Variants in BRINP3 observed in about 807,000 individuals in gnomAD.
BRINP3 encodes BMP/retinoic acid-inducible neural-specific protein 3.
In BRINP3, 19 loss-of-function variants were observed where a neutral mutation model predicts 71.0. The observed-to-expected ratio is 0.27, with a 90% CI of 0.19 to 0.39. BRINP3 has a LOEUF of 0.39. BRINP3 is among the 10% of genes least tolerant of loss of function. The pLI, the probability that BRINP3 is intolerant of heterozygous loss-of-function variation, is 1.00. For missense variants in BRINP3, 959 were observed against 940.8 expected (o/e 1.02, Z -0.25); for synonymous variants, 380 against 337.7 (o/e 1.13, Z -1.37).
intron 2 of BRINP3, among the ~76,000 whole-genome samples, chr1:190,287,757 CA>C (rs1461436777): frequency 1.3e-5 from 2 of 151,926 alleles, no homozygotes; most frequent in African/African-American, 2.4e-5. Flanking sequence ...ATCATTGAAA[CA>C]AAAAAGATGA....
chr1:190,165,086 C>G (rs933577235), intron 6 of BRINP3, among the ~76,000 whole-genome samples: 1 of 151,296 alleles, frequency 6.6e-6, no homozygotes, highest in Admixed American at 6.6e-5. Context: ...TACATAATAT[C>G]TAACGAAATA....
chr1:190,098,520 T>C lies in BRINP3; in HGVS notation c.1799A>G (p.Lys600Arg), dbSNP rs1288871321. The C allele has an allele frequency of 1.9e-5, 31 of 1,614,026 alleles. No individual in the cohort carries two copies. The highest frequency in any genetic ancestry group is 2.5e-5 in the Non-Finnish European group (30 of 1,180,024). The change falls in exon 8 of 8, where the codon AAG (lysine) becomes AGG (arginine). Residue 600 changes from lysine (K) to arginine (R), a missense_variant. Lys to Arg is a conservative substitution (Grantham distance 26). Transcript: ENST00000367462. ...ENSFPDWERTKLDLPLQCYNW... is the reference protein window; with the variant it reads ...ENSFPDWERTRLDLPLQCYNW... ...ATAACACTGCAGGGGTAGGTCCAAC[T>C]TAGTCCGCTCCCAGTCTGGAAAGCT...
At position 190,401,294 on chromosome 1, in the gene BRINP3, G is replaced by T. The variant is rs140067428; in HGVS notation, c.236+53361C>A. The stretch of plus-strand genomic sequence containing the variant: ...AATCACTTGAACCCAGGAGGTGGAG[G>T]TTGCAGTGAGCCAAGATGAAGCCAC... On this transcript the variant is annotated intron_variant, in intron 2 of 7. Coordinates refer to ENST00000367462, the MANE Select transcript of BRINP3 (RefSeq NM_199051.3). Among the ~76,000 whole-genome samples the T allele has an allele frequency of 5.7e-3, 834 of 147,362 alleles. 6 individuals carry two copies. Among genetic ancestry groups the T allele is most frequent in the African/African-American group, 0.019 (747 of 40,234 alleles).
intron 2 of BRINP3, among the ~76,000 whole-genome samples, chr1:190,287,610 T>A (rs1467807798): frequency 6.6e-6 from 1 of 152,148 alleles, no homozygotes; most frequent in East Asian, 1.9e-4. Flanking sequence ...TGATAAGCAC[T>A]GATTAATGAC....
At chr1:190,248,414 T>C (rs1659811639) in intron 4 of BRINP3, among the ~76,000 whole-genome samples, 1 of 151,660 alleles carries the variant, frequency 6.6e-6, no homozygotes, top group Admixed American at 6.6e-5. Flanking sequence ...ATATGAAAAT[T>C]ATATTTCACC....
chr1:190,159,000 C>T (rs753951309), intron 7 of BRINP3, among the ~76,000 whole-genome samples: 44 of 151,806 alleles, frequency 2.9e-4, no homozygotes, highest in Non-Finnish European at 4.7e-4. Flanking sequence ...CATATGAAGT[C>T]CTCTTACAAC....
chr1:190,209,818 T>C (rs1655827346), intron 6 of BRINP3, among the ~76,000 whole-genome samples: 1 of 152,132 alleles, frequency 6.6e-6, no homozygotes, highest in African/African-American at 2.4e-5. Flanking sequence ...TATTTTTCAG[T>C]GCAATAATTG....
chr1:190,133,375 T>C (rs1278945007), intron 7 of BRINP3, among the ~76,000 whole-genome samples: 1 of 152,120 alleles, frequency 6.6e-6, no homozygotes, highest in African/African-American at 2.4e-5. Context: ...AATATATGCA[T>C]TATAACTTAA....
chr1:190,337,907 T>G (rs1571788621), intron 2 of BRINP3, among the ~76,000 whole-genome samples: 1 of 152,088 alleles, frequency 6.6e-6, no homozygotes, highest in Non-Finnish European at 1.5e-5. Flanking sequence ...TTTTTTAAAC[T>G]ATGATAGTGT....
chr1:190,453,201 G>GTTTTTTTTTTTTTTTTTTTTTTTTTTTT (rs745819844), intron 2 of BRINP3, among the ~76,000 whole-genome samples: 2 of 37,854 alleles, frequency 5.3e-5, no homozygotes. Context: ...AAAAACTTTA[G>GTTTTTTTTTTTTTTTTTTTTTTTTTTTT]TATTTTTTTT....
intron 2 of BRINP3, among the ~76,000 whole-genome samples, chr1:190,302,236 T>C (rs2103000893): frequency 6.8e-6 from 1 of 148,058 alleles, no homozygotes; most frequent in Non-Finnish European, 1.5e-5. Context: ...GAAGTGTATA[T>C]ATATACATAA....
intron 2 of BRINP3, among the ~76,000 whole-genome samples, chr1:190,382,172 ACAAAAT>A (rs1670588697): frequency 7.7e-6 from 1 of 130,594 alleles, no homozygotes; most frequent in Non-Finnish European, 1.8e-5. Flanking sequence ...GACATGAAAT[ACAAAAT>A]CAGAAAAAAA....
chr1:190,296,570 A>G (rs1246520381), intron 2 of BRINP3, among the ~76,000 whole-genome samples: 2 of 152,140 alleles, frequency 1.3e-5, no homozygotes, highest in East Asian at 3.9e-4. Flanking sequence ...TTCTAGCCAG[A>G]GAATTTAGGC....
intron 2 of BRINP3, among the ~76,000 whole-genome samples, chr1:190,400,312 A>T (rs1390269466): frequency 6.6e-6 from 1 of 152,182 alleles, no homozygotes; most frequent in Non-Finnish European, 1.5e-5. Context: ...GGAATAAATA[A>T]GTCACAAAAC....
chr1:190,157,861 C>T (rs1333363210), intron 7 of BRINP3, among the ~76,000 whole-genome samples: 1 of 152,040 alleles, frequency 6.6e-6, no homozygotes, highest in Admixed American at 6.6e-5. Context: ...AACAAGGAAT[C>T]AACCTAGGTT....
intron 6 of BRINP3, among the ~76,000 whole-genome samples, chr1:190,210,756 T>C (rs573942597): frequency 1.3e-5 from 2 of 152,230 alleles, no homozygotes; most frequent in South Asian, 4.1e-4. Context: ...TGGGTATGTC[T>C]GTGAGAGTGT....
intron 2 of BRINP3, among the ~76,000 whole-genome samples, chr1:190,335,134 G>T (rs1667206969): frequency 6.6e-6 from 1 of 151,814 alleles, no homozygotes; most frequent in Non-Finnish European, 1.5e-5. Context: ...TTCTTTTAAA[G>T]ACTTGGGTAA....
intron 4 of BRINP3, among the ~76,000 whole-genome samples, chr1:190,256,356 A>G (rs1474257971): frequency 6.6e-6 from 1 of 152,016 alleles, no homozygotes; most frequent in Non-Finnish European, 1.5e-5. Context: ...ATCTTCCTCC[A>G]TCCCTTTATT....
intron 7 of BRINP3, among the ~76,000 whole-genome samples, chr1:190,159,805 T>C (rs1422445073): frequency 6.6e-6 from 1 of 151,940 alleles, no homozygotes; most frequent in Middle Eastern, 3.2e-3. Context: ...TAGACACCAA[T>C]AAATTGTAAA....
Sources: allele counts gnomAD v4.1 joint callset (sites outside exome capture counted in the v4.1 genomes callset), GRCh38; gene constraint gnomAD v4.1.1; transcripts MANE v1.5; gene names NCBI Gene and HGNC (gene_info 2026-07-23, HGNC 2026-07-21).